DCAF1: variants seen among roughly 807,000 people sequenced by gnomAD.
The protein encoded by DCAF1 is DDB1 and CUL4 associated factor 1.
A neutral mutation model predicts 128.0 loss-of-function variants in DCAF1; 15 were observed. The ratio of observed to expected loss-of-function variants is 0.12; its 90% confidence interval spans 0.08 to 0.18. The LOEUF is 0.18. DCAF1 is among the 10% of genes least tolerant of loss of function. DCAF1 has a pLI of 1.00. For missense variants in DCAF1, 988 were observed against 1,649.5 expected (o/e 0.60, Z 6.95); for synonymous variants, 610 against 603.0 (o/e 1.01, Z -0.17).
chr3:51,400,786 G>T (rs906285591), intron 24 of DCAF1, among the ~76,000 whole-genome samples: 2 of 151,942 alleles, frequency 1.3e-5, no homozygotes. Flanking sequence ...TTAACCTATC[G>T]CTCTACAACA....
chr3:51,425,952 G>C (rs1553633976), intron 13 of DCAF1, among the ~76,000 whole-genome samples: 1 of 152,058 alleles, frequency 6.6e-6, no homozygotes, highest in South Asian at 2.1e-4. Context: ...GTATAGTCTG[G>C]AGACCTCTAG....
intron 6 of DCAF1, among the ~76,000 whole-genome samples, chr3:51,452,369 G>C (rs1375052045): frequency 2.0e-5 from 3 of 151,984 alleles, no homozygotes; most frequent in African/African-American, 7.3e-5. Context: ...AAGAAATATT[G>C]ATTTATTAAA....
chr3:51,420,974 C>T lies in DCAF1; in HGVS notation c.1996G>A (p.Ala666Thr). Reference protein sequence around the residue: ...TVGISIILGVAEGEFFIHDAE... With the variant: ...TVGISIILGVTEGEFFIHDAE... ...TCATGGATGAAGAACTCACCCTCAG[C>T]CACTCCCAAAATAATGCTGATACCT... Residue 666 changes from alanine (A) to threonine (T), a missense_variant, in exon 15 of 25, where the codon GCT (alanine) becomes ACT (threonine). By Grantham distance (58) the Ala-to-Thr change is moderately conservative (BLOSUM62 0). Around this residue, in one of 11 missense-constraint regions of DCAF1, gnomAD observed 185 missense variants for 248.1 expected, o/e 0.75. Transcript: ENST00000684031. This position sits in a 1 kb window ranked among gnomAD's most constrained non-coding sequence, Gnocchi z 6.5. 1.2e-6 allele frequency: 2 copies of T among 1,613,156 alleles called. No individual in the cohort carries two copies. The highest frequency in any genetic ancestry group is 1.7e-6 in the Non-Finnish European group (2 of 1,179,372).
chr3:51,473,856 T>C (rs1337069279), intron 3 of DCAF1, among the ~76,000 whole-genome samples: 2 of 151,308 alleles, frequency 1.3e-5, no homozygotes, highest in Non-Finnish European at 2.9e-5. Flanking sequence ...CAGGCTGGAG[T>C]GCAATGGCAC....
chr3:51,490,867 A>G (rs993287687), intron 2 of DCAF1, among the ~76,000 whole-genome samples: 2 of 152,192 alleles, frequency 1.3e-5, no homozygotes, highest in Middle Eastern at 3.2e-3. Flanking sequence ...CAGAGGTTGC[A>G]GTAAGCCGAG....
intron 7 of DCAF1, 81 bp downstream of exon 7, chr3:51,443,685 C>G: frequency 8.2e-7 from 1 of 1,226,864 alleles, no homozygotes; most frequent in Non-Finnish European, 1.1e-6. Flanking sequence ...TCAATATGAT[C>G]TACTTATTCA....
intron 23 of DCAF1, among the ~76,000 whole-genome samples, chr3:51,407,984 CAAAAAAA>C (rs59224025): frequency 2.9e-4 from 15 of 52,548 alleles, no homozygotes; most frequent in South Asian, 2.3e-3. Flanking sequence ...GACTCCATCT[CAAAAAAA>C]AAAAAAAAAA....
At chr3:51,493,807 C>T (rs1553659435) in intron 2 of DCAF1, among the ~76,000 whole-genome samples, 1 of 151,916 alleles carries the variant, frequency 6.6e-6, no homozygotes, top group Non-Finnish European at 1.5e-5. Flanking sequence ...ACCAGCCTGG[C>T]CAACATGGTG....
upstream of DCAF1, among the ~76,000 whole-genome samples, chr3:51,500,931 T>C (rs1024078888): frequency 1.1e-4 from 17 of 149,820 alleles, no homozygotes; most frequent in Non-Finnish European, 1.9e-4. Flanking sequence ...TCTTCTCACC[T>C]CAGCCTCCCA....
At chr3:51,402,565 C>CCTTTT (rs2089788768) in intron 24 of DCAF1, among the ~76,000 whole-genome samples, 1 of 44,588 alleles carries the variant, frequency 2.2e-5, no homozygotes. Context: ...CCCTACAAAG[C>CCTTTT]ATTTTTTTTT....
At chr3:51,414,100 G>T in intron 19 of DCAF1, 57 bp from the exon 20 acceptor site, 1 of 1,491,812 alleles carries the variant, frequency 6.7e-7, no homozygotes. Flanking sequence ...TAATCTCATG[G>T]GAGGAAATTC....
Position 51,463,103 on chromosome 3 carries a change from T to C in DCAF1, c.375+11A>G. On this transcript the variant is annotated intron_variant, in intron 6 of 24. Transcript: ENST00000684031. ...CAAAATAAAATTATGACTTTACTTTTCACTAAGTACCTTTTCTTGAAAGAC... is the reference window on the plus strand; with the variant it reads ...CAAAATAAAATTATGACTTTACTTTCCACTAAGTACCTTTTCTTGAAAGAC... 1 of 1,551,286 alleles carries C rather than the reference T, an allele frequency of 6.4e-7. No individual in the cohort carries two copies. The highest frequency in any genetic ancestry group is 2.3e-5 in the East Asian group (1 of 43,662).
At chr3:51,418,604 T>C in intron 16 of DCAF1, 74 bp downstream of exon 16, 4 of 1,526,240 alleles carry the variant, frequency 2.6e-6, no homozygotes, top group African/African-American at 1.4e-5. Flanking sequence ...CAATAAAGGG[T>C]AAGCCTCCTT....
In DCAF1 at chr3:51,398,036, A is replaced by T. The variant is rs1294737482; in HGVS notation, c.*733T>A. 1.3e-5 allele frequency: 2 copies of T among 158,804 alleles called. No homozygotes were observed. Among genetic ancestry groups the T allele is most frequent in the East Asian group, 3.9e-4 (2 of 5,182 alleles). The allele number at this position is 158,804 out of a possible 1,614,324, so 9.8% of individuals were successfully genotyped here. On this transcript the variant is annotated 3_prime_UTR_variant, in exon 25 of 25. Coordinates refer to ENST00000684031, the MANE Select transcript of DCAF1 (RefSeq NM_001387579.1). The stretch of plus-strand genomic sequence containing the variant: ...AAGTTCCCTCAACTCCACAAAACCA[A>T]TATCCACAATGACCATGCTGCCCCC...
intron 2 of DCAF1, among the ~76,000 whole-genome samples, chr3:51,495,898 G>A (rs367689802): frequency 1.3e-5 from 2 of 151,970 alleles, no homozygotes; most frequent in African/African-American, 4.8e-5. Flanking sequence ...GGAGGCTGAA[G>A]CAAGAGAACT....
At chr3:51,409,408 C>T (rs1698196398) in intron 23 of DCAF1, among the ~76,000 whole-genome samples, 1 of 152,084 alleles carries the variant, frequency 6.6e-6, no homozygotes, top group South Asian at 2.1e-4. Context: ...GTTGACCTCC[C>T]CCTCAAAGAC....
chr3:51,426,997 T>C (rs2107498703), intron 13 of DCAF1, among the ~76,000 whole-genome samples: 1 of 152,300 alleles, frequency 6.6e-6, no homozygotes, highest in South Asian at 2.1e-4. Flanking sequence ...ATGAACGTAA[T>C]ATAAACATTA....
At chr3:51,395,881 G>A, downstream of DCAF1, 1 of 413,524 alleles carries the variant, frequency 2.4e-6, no homozygotes, top group Non-Finnish European at 4.4e-6. Flanking sequence ...TGTTAAGCAT[G>A]TTTATTTATT....
chr3:51,484,071 C>G (rs1706612658), intron 2 of DCAF1, among the ~76,000 whole-genome samples: 1 of 152,152 alleles, frequency 6.6e-6, no homozygotes, highest in Non-Finnish European at 1.5e-5. Flanking sequence ...TCAGCCTCAG[C>G]TTCAACTGTC....
Sources: allele counts gnomAD v4.1 joint callset (sites outside exome capture counted in the v4.1 genomes callset), GRCh38; gene constraint gnomAD v4.1.1; regional missense constraint gnomAD v4.1.1; non-coding constraint Gnocchi (gnomAD v3.1); transcripts MANE v1.5; gene names NCBI Gene and HGNC (gene_info 2026-07-23, HGNC 2026-07-21).